Variants in TENM3 observed in about 807,000 individuals in gnomAD.
The protein encoded by TENM3 is teneurin-3.
TENM3 carries 63 observed loss-of-function variants against 255.1 expected under a neutral mutation model. The observed-to-expected ratio is 0.25, with a 90% CI of 0.20 to 0.30. TENM3 has a LOEUF of 0.30. TENM3 is among the 10% of genes least tolerant of loss of function. TENM3 has a pLI of 1.00. For missense variants in TENM3, 2,929 were observed against 3,461.1 expected (o/e 0.85, Z 3.86); for synonymous variants, 1,306 against 1,322.3 (o/e 0.99, Z 0.27).
chr4:182,397,234 A>T (rs1328162698), intron 3 of TENM3, among the ~76,000 whole-genome samples: 2 of 107,606 alleles, frequency 1.9e-5, no homozygotes, highest in Non-Finnish European at 3.9e-5. Context: ...AGTTTTTAAC[A>T]TAAAAAAAAA....
At chr4:182,400,773 G>A (rs189215869) in intron 3 of TENM3, among the ~76,000 whole-genome samples, 5 of 152,004 alleles carry the variant, frequency 3.3e-5, no homozygotes, top group Non-Finnish European at 5.9e-5. Context: ...GTGTTATTTC[G>A]TTACTGAAAA....
the TENM3 span, among the ~76,000 whole-genome samples, chr4:181,851,589 C>T: frequency 5.3e-5 from 8 of 152,022 alleles, no homozygotes; most frequent in Non-Finnish European, 1.0e-4. Context: ...CATATACACA[C>T]GCACGCACGC....
intron 3 of TENM3, among the ~76,000 whole-genome samples, chr4:182,353,332 T>C (rs974231624): frequency 2.6e-5 from 4 of 152,202 alleles, no homozygotes; most frequent in Non-Finnish European, 5.9e-5. Context: ...AGCTTGAATA[T>C]AAATTTCACT....
At chr4:182,693,862 A>G (rs1364707723) in intron 12 of TENM3, among the ~76,000 whole-genome samples, 1 of 152,230 alleles carries the variant, frequency 6.6e-6, no homozygotes, top group Non-Finnish European at 1.5e-5. Flanking sequence ...AATAAATTCA[A>G]GTTTTAATTT....
At position 182,417,472 on chromosome 4, in the gene TENM3, T is replaced by C. The variant is rs543550148; in HGVS notation, c.511+70543T>C. Among the ~76,000 whole-genome samples the C allele has an allele frequency of 2.0e-5, 3 of 152,356 alleles. No homozygotes were observed. The South Asian group carries it at 6.2e-4, about 32-fold the overall frequency. ...GTGAATGGTATATCCTTGTATGACA[T>C]GCTTTTTCTTTATTTTTTACTTGCA... On this transcript the variant is annotated intron_variant, in intron 3 of 27. Coordinates refer to ENST00000511685, the MANE Select transcript of TENM3 (RefSeq NM_001080477.4).
chr4:182,354,682 A>G (rs999036612), intron 3 of TENM3, among the ~76,000 whole-genome samples: 2 of 152,186 alleles, frequency 1.3e-5, no homozygotes, highest in Non-Finnish European at 2.9e-5. Flanking sequence ...AAATTTTCTT[A>G]TATTTATCAG....
the TENM3 span, among the ~76,000 whole-genome samples, chr4:181,791,456 G>A: frequency 2.0e-5 from 3 of 152,082 alleles, no homozygotes; most frequent in South Asian, 2.1e-4. Flanking sequence ...TTGAACATCC[G>A]GGGTAGTGTT....
At chr4:181,513,639 G>A in the TENM3 span, among the ~76,000 whole-genome samples, 1 of 152,128 alleles carries the variant, frequency 6.6e-6, no homozygotes, top group East Asian at 1.9e-4. Flanking sequence ...AATAAAACAC[G>A]CAATAAATAA....
chr4:181,913,355 A>T, the TENM3 span, among the ~76,000 whole-genome samples: 26,545 of 152,110 alleles, frequency 0.17, 2,661 homozygotes, highest in Non-Finnish European at 0.23. Context: ...TGAAAATAGC[A>T]CTCAGGCAAA....
intron 12 of TENM3, among the ~76,000 whole-genome samples, chr4:182,710,044 G>A (rs1758635601): frequency 6.6e-6 from 1 of 152,138 alleles, no homozygotes; most frequent in African/African-American, 2.4e-5. Context: ...CTGATTGGCT[G>A]ATTAGAAATA....
chr4:181,840,051 C>T, the TENM3 span, among the ~76,000 whole-genome samples: 1 of 152,068 alleles, frequency 6.6e-6, no homozygotes, highest in Non-Finnish European at 1.5e-5. Context: ...ACCTTATCTT[C>T]AAAGTCTCTA....
chr4:181,936,010 A>G, the TENM3 span, among the ~76,000 whole-genome samples: 9 of 152,212 alleles, frequency 5.9e-5, no homozygotes, highest in Admixed American at 5.9e-4. Context: ...AGCTTGGCAC[A>G]TAATAGGTAC....
At chr4:181,601,920 C>T in the TENM3 span, among the ~76,000 whole-genome samples, 2 of 152,104 alleles carry the variant, frequency 1.3e-5, no homozygotes, top group Non-Finnish European at 2.9e-5. Flanking sequence ...ATTTCTGCCT[C>T]CAGCTGCATA....
chr4:181,944,659 C>T, the TENM3 span, among the ~76,000 whole-genome samples: 3 of 152,076 alleles, frequency 2.0e-5, no homozygotes, highest in African/African-American at 7.2e-5. Context: ...CCACCGTGCC[C>T]CTCTCCAACA....
intron 3 of TENM3, among the ~76,000 whole-genome samples, chr4:182,573,956 A>G (rs1744668636): frequency 6.6e-6 from 1 of 152,184 alleles, no homozygotes; most frequent in Admixed American, 6.5e-5. Context: ...AAAATAGGTT[A>G]CAATAAAATA....
intron 16 of TENM3, 48 bp from the exon 17 acceptor site, chr4:182,736,760 T>C: frequency 6.6e-7 from 1 of 1,522,550 alleles, no homozygotes; most frequent in Non-Finnish European, 8.9e-7. Context: ...TTTTATCTAA[T>C]CGTCATACGT....
chr4:182,731,254 C>T, intron 16 of TENM3, 115 bp downstream of exon 16: 2 of 1,111,712 alleles, frequency 1.8e-6, no homozygotes, highest in Non-Finnish European at 2.5e-6. Context: ...TCCTGTAATC[C>T]CAGCGCTTTG....
chr4:182,747,075 G>A (rs1038032808), intron 19 of TENM3, among the ~76,000 whole-genome samples: 10 of 151,944 alleles, frequency 6.6e-5, no homozygotes, highest in Non-Finnish European at 1.2e-4. Context: ...CCTTATCCTC[G>A]CTTTCTTGGG....
chr4:181,454,691 T>TTTTTTTTTACCATTTTTATA, the TENM3 span, among the ~76,000 whole-genome samples: 1 of 150,134 alleles, frequency 6.7e-6, no homozygotes. Flanking sequence ...ACTTTTTTTT[T>TTTTTTTTTACCATTTTTATA]CTGGTGTGCC....
Sources: gnomAD v4.1 joint callset for allele counts (sites outside exome capture counted in the v4.1 genomes callset) on GRCh38, gnomAD v4.1.1 for gene constraint, MANE v1.5 for transcripts, NCBI Gene and HGNC (gene_info 2026-07-23, HGNC 2026-07-21) for gene names.